The following ERLIN2 variants were observed in gnomAD, a reference collection of about 807,000 sequenced individuals.
ERLIN2 encodes the protein erlin-2.
Under a neutral mutation model 41.5 loss-of-function variants are expected in ERLIN2, and 22 were observed. The observed-to-expected ratio is 0.53, with a 90% CI of 0.38 to 0.76. The LOEUF is 0.76. Among genes scored for constraint, ERLIN2 ranks in the 30% least tolerant of loss-of-function variants. The probability of loss-of-function intolerance (pLI) is 0.00; values close to 1 mark genes in which losing one functional copy is unlikely to be tolerated. For synonymous variants in ERLIN2, 149 were observed against 150.9 expected (o/e 0.99, Z 0.09); for missense variants, 247 against 414.3 (o/e 0.60, Z 3.51).
chr8:37,745,206 G>C (rs540792653), intron 6 of ERLIN2: 1 of 447,850 alleles, frequency 2.2e-6, no homozygotes, highest in South Asian at 3.8e-5. Flanking sequence ...GGGCCCCCAG[G>C]AATGGGTGAT....
At position 37,740,425 on chromosome 8, in the gene ERLIN2, C is replaced by T; in HGVS notation, c.168C>T (p.Ile56=). 6.2e-7 allele frequency: 1 copy of T among 1,613,164 alleles called. No individual in the cohort carries two copies. The highest frequency in any genetic ancestry group is 1.3e-5 in the African/African-American group (1 of 74,974). Residue 56 remains isoleucine (I), a synonymous_variant, in exon 3 of 12, where the codon ATC becomes ATT. Coordinates refer to ENST00000519638, the MANE Select transcript of ERLIN2 (RefSeq NM_007175.8). Reference sequence around the variant, plus strand: ...GTTTCCATCTCATGCTCCCTTTCATCACATCATATAAGTCTGTGCAGGTAT... The same window carrying T: ...GTTTCCATCTCATGCTCCCTTTCATTACATCATATAAGTCTGTGCAGGTAT... ...GPGFHLMLPF[I]TSYKSVQTTL...
chr8:37,736,902 A>G (rs1429004120), intron 1 of ERLIN2: 2 of 985,352 alleles, frequency 2.0e-6, no homozygotes, highest in Non-Finnish European at 2.4e-6. Flanking sequence ...AGGGCGCTTG[A>G]CCCTCTCTCG....
In ERLIN2 at chr8:37,749,856, A is replaced by ACCTGGGCT. The variant is rs1452477753; in HGVS notation, c.557+4_557+5insCCTGGGCT. 7 of 1,613,806 alleles carry ACCTGGGCT rather than the reference A, an allele frequency of 4.3e-6. No homozygotes were observed. Among genetic ancestry groups the ACCTGGGCT allele is most frequent in the Non-Finnish European group, 5.9e-6 (7 of 1,179,706 alleles). ...TCCGCAGAAACTACGAGTTGATGTG[A>ACCTGGGCT]GTATACCCTCCGCCTGGGCTGTGAC... On this transcript the variant is annotated splice_donor_region_variant and intron_variant, in intron 8 of 11. Coordinates refer to ENST00000519638, the MANE Select transcript of ERLIN2 (RefSeq NM_007175.8).
chr8:37,749,921 G>A, intron 8 of ERLIN2, 69 bp downstream of exon 8: 1 of 1,354,804 alleles, frequency 7.4e-7, no homozygotes, highest in Non-Finnish European at 1.1e-6. Context: ...CCATCCCAGA[G>A]GTAACCAAAG....
At chr8:37,745,158 CTCTTCAGCAT>C in intron 6 of ERLIN2, 2 of 485,128 alleles carry the variant, frequency 4.1e-6, no homozygotes, top group Non-Finnish European at 3.6e-6. Context: ...CCTCTCCTGG[CTCTTCAGCAT>C]TCTTCTCACC....
At position 37,747,566 on chromosome 8, in the gene ERLIN2, G is replaced by A. The variant is rs1394243518; in HGVS notation, c.425-1993G>A. On this transcript the variant is annotated intron_variant, in intron 6 of 11. Coordinates refer to ENST00000519638, the MANE Select transcript of ERLIN2 (RefSeq NM_007175.8). ...CTGAACTTGCCCATGTCTTTGGTCC[G>A]TTTGGTCATCATCACCTTCTTAGGA... The A allele has an allele frequency of 3.1e-6, 5 of 1,612,242 alleles. No individual in the cohort carries two copies. The South Asian group carries it at 3.3e-5, about 11-fold the overall frequency.
intron 1 of ERLIN2, 42 bp from the exon 2 acceptor site, chr8:37,737,866 T>A (rs760464689): frequency 2.5e-6 from 4 of 1,612,436 alleles, no homozygotes; most frequent in Non-Finnish European, 1.7e-6. Context: ...CCTTTTCTCC[T>A]GCACGTTGGA....
At position 37,741,669 on chromosome 8, in the gene ERLIN2, C is replaced by T; in HGVS notation, c.190-103C>T. 1 of 898,996 alleles carries T rather than the reference C, an allele frequency of 1.1e-6. No homozygotes were observed. Among genetic ancestry groups the T allele is most frequent in the African/African-American group, 1.6e-5 (1 of 61,092 alleles). 55.7% of individuals were successfully genotyped at this position (898,996 alleles called of 1,614,324 possible). A position where few individuals can be genotyped will look rare whatever the true frequency, so the allele number is the denominator to read the frequency against. ...AATCATGTTTAATGAAGGCCATGCT[C>T]AACCCAAACAGTTATTCCAGGACAA... is the stretch of plus-strand genomic sequence containing the variant. On this transcript the variant is annotated intron_variant, in intron 3 of 11. Coordinates refer to ENST00000519638, the MANE Select transcript of ERLIN2 (RefSeq NM_007175.8). The surrounding 1 kb of genome is among the most constrained non-coding windows in gnomAD (Gnocchi z 4.8).
intron 1 of ERLIN2, 50 bp downstream of exon 1, chr8:37,736,728 A>G: frequency 6.1e-6 from 6 of 985,704 alleles, no homozygotes; most frequent in Non-Finnish European, 7.2e-6. Flanking sequence ...GCTGCCGCTC[A>G]GGGTCGGGGC....
rs1406771223 is a variant in ERLIN2 at position 37,738,349 on chromosome 8, C to G, written c.107+320C>G. Among the ~76,000 whole-genome samples, 80 of 152,092 alleles carry G rather than the reference C, an allele frequency of 5.3e-4. 1 individual carries two copies. Among genetic ancestry groups the G allele is most frequent in the Admixed American group, 5.2e-3 (80 of 15,268 alleles). ...GATCATCCCTAAAATACTGTTTTCT[C>G]CTACATTCCTCTGGCAGTCTTAGCT... On this transcript the variant is annotated intron_variant, in intron 2 of 11. Transcript: ENST00000519638.
At chr8:37,740,541 A>G (rs928327766) in intron 3 of ERLIN2, 95 bp downstream of exon 3, 3 of 719,596 alleles carry the variant, frequency 4.2e-6, no homozygotes, top group Non-Finnish European at 2.5e-6. Context: ...GATGAGTAAA[A>G]TGCCATTCTA....
chr8:37,742,340 T>TAAA (rs770233868), intron 4 of ERLIN2, among the ~76,000 whole-genome samples: 1 of 127,358 alleles, frequency 7.9e-6, no homozygotes, highest in Non-Finnish European at 1.7e-5. Flanking sequence ...ACTCCGTCTT[T>TAAA]AAAAAAAAAA....
intron 4 of ERLIN2, among the ~76,000 whole-genome samples, chr8:37,743,142 G>C (rs866120611): frequency 6.6e-6 from 1 of 152,240 alleles, no homozygotes; most frequent in African/African-American, 2.4e-5. Context: ...AGGGATGCTG[G>C]ATTGGACAGA....
chr8:37,753,370 T>G lies in ERLIN2; in HGVS notation c.740-80T>G, dbSNP rs1029932007. 3 of 1,182,068 alleles carry G rather than the reference T, an allele frequency of 2.5e-6. No individual in the cohort carries two copies. The African/African-American group carries it at 4.5e-5, about 18-fold the overall frequency. The allele number at this position is 1,182,068 out of a possible 1,614,324, so 73.2% of individuals were successfully genotyped here. ...CGAAGTTCCAGGGACCAGAACAGAGTCTTCCCATAGCCTCTGCACTTCCTG... is the reference window on the plus strand; with the variant it reads ...CGAAGTTCCAGGGACCAGAACAGAGGCTTCCCATAGCCTCTGCACTTCCTG... On this transcript the variant is annotated intron_variant, in intron 10 of 11. Coordinates refer to ENST00000519638, the MANE Select transcript of ERLIN2 (RefSeq NM_007175.8).
At position 37,753,540 on chromosome 8, in the gene ERLIN2, C is replaced by T. The variant is rs371191680; in HGVS notation, c.819+11C>T. The T allele has an allele frequency of 7.6e-5, 123 of 1,612,490 alleles. No homozygotes were observed. The African/African-American group carries it at 1.3e-3, about 17-fold the overall frequency. On this transcript the variant is annotated intron_variant, in intron 11 of 11. Transcript: ENST00000519638. ...GCCGAAGCCAATAAGGTAAAGACCC[C>T]GCACAGCCTGATAAAAAGGAGTCTT...
chr8:37,749,656 G>A, intron 7 of ERLIN2, 24 bp downstream of exon 7: 1 of 1,596,016 alleles, frequency 6.3e-7, no homozygotes, highest in Non-Finnish European at 8.6e-7. Flanking sequence ...CATGGGAGCA[G>A]CCCCTCTCTC....
intron 1 of ERLIN2, 68 bp from the exon 2 acceptor site, chr8:37,737,840 C>A: frequency 6.2e-7 from 1 of 1,603,044 alleles, no homozygotes; most frequent in Non-Finnish European, 8.5e-7. Flanking sequence ...TTGGTGAGGT[C>A]CTCTCGCTGT....
chr8:37,741,073 G>A lies in ERLIN2; in HGVS notation c.189+627G>A, dbSNP rs772662060. ...CTTTCAAACTGCATTCAGGTACATTGTCTCATTTGAGTCTTGTAGTAATCC... is the reference window on the plus strand; with the variant it reads ...CTTTCAAACTGCATTCAGGTACATTATCTCATTTGAGTCTTGTAGTAATCC... On this transcript the variant is annotated intron_variant, in intron 3 of 11. Transcript: ENST00000519638. The surrounding 1 kb of genome is among the most constrained non-coding windows in gnomAD (Gnocchi z 4.8). 9.9e-5 allele frequency among the ~76,000 whole-genome samples: 15 copies of A among 152,210 alleles called. No individual in the cohort carries two copies. The highest frequency in any genetic ancestry group is 1.9e-4 in the Non-Finnish European group (13 of 68,040).
At chr8:37,738,941 T>TAA (rs1231990160) in intron 2 of ERLIN2, among the ~76,000 whole-genome samples, 1 of 152,258 alleles carries the variant, frequency 6.6e-6, no homozygotes, top group African/African-American at 2.4e-5. Context: ...CAGGTTGACT[T>TAA]ACGTCAATCA....
Sources: gnomAD v4.1 joint callset for allele counts (sites outside exome capture counted in the v4.1 genomes callset) on GRCh38, gnomAD v4.1.1 for gene constraint, Gnocchi (gnomAD v3.1) non-coding constraint, MANE v1.5 for transcripts, NCBI Gene and HGNC (gene_info 2026-07-23, HGNC 2026-07-21) for gene names.